CABYR: variants seen among roughly 807,000 people sequenced by gnomAD.
The protein encoded by CABYR is calcium binding tyrosine phosphorylation regulated.
Under a neutral mutation model 36.1 loss-of-function variants are expected in CABYR, and 31 were observed. That is an observed-to-expected ratio of 0.86 (90% confidence interval 0.64 to 1.16). The LOEUF (loss-of-function observed/expected upper bound fraction) is 1.16. Ranked by LOEUF, CABYR falls within the 50% of genes most tolerant of loss-of-function variation. CABYR has a pLI of 0.00. For synonymous variants in CABYR, 146 were observed against 160.7 expected (o/e 0.91, Z 0.69); for missense variants, 429 against 455.8 (o/e 0.94, Z 0.53).
chr18:24,145,317 C>T (rs1222114962), intron 3 of CABYR, among the ~76,000 whole-genome samples: 1 of 152,176 alleles, frequency 6.6e-6, no homozygotes, highest in Non-Finnish European at 1.5e-5. Flanking sequence ...CATAAACAGA[C>T]ATAAAAGCTG....
rs764115301 is a variant in CABYR at position 24,156,575 on chromosome 18, A to G, written c.541+533A>G. The G allele has an allele frequency of 8.1e-6, 13 of 1,614,080 alleles. No individual in the cohort carries two copies. In the African/African-American group the frequency reaches 9.3e-5, roughly 12 times the overall value. Reference sequence around the variant, plus strand: ...AGACCACCTCTGGCATGTCTAAAAAATCTGTAGAGTCTGTAAAACTTGCAC... The same window carrying G: ...AGACCACCTCTGGCATGTCTAAAAAGTCTGTAGAGTCTGTAAAACTTGCAC... On this transcript the variant is annotated intron_variant, in intron 4 of 5. Transcript: ENST00000399496.
At position 24,155,852 on chromosome 18, in the gene CABYR, C is replaced by T. The variant is rs115656137; in HGVS notation, c.351C>T (p.Asp117=). 2.1e-4 allele frequency: 332 copies of T among 1,614,176 alleles called. 1 individual carries two copies. In the African/African-American group the frequency reaches 4.1e-3, roughly 20 times the overall value. The change falls in exon 4 of 6, where the codon GAC becomes GAT. Residue 117 remains aspartate, a synonymous_variant. Coordinates refer to ENST00000399496, the MANE Select transcript of CABYR (RefSeq NM_153769.3). The part of the protein sequence containing the change: ...EDNVTRTEYS[D]KTTQFPSVYA... ...ATGTAACCAGAACAGAATATAGTGA[C>T]AAAACCACCCAGTTTCCATCAGTTT...
intron 5 of CABYR, among the ~76,000 whole-genome samples, chr18:24,161,166 ATAAT>A (rs3837915): frequency 3.9e-5 from 6 of 152,114 alleles, no homozygotes; most frequent in Admixed American, 3.3e-4. Context: ...GTTACTTAAA[ATAAT>A]TAGTGGGAAT....
intron 3 of CABYR, chr18:24,150,518 G>A (rs1384139466): frequency 3.6e-6 from 3 of 823,632 alleles, no homozygotes; most frequent in Admixed American, 6.2e-5. Context: ...TCTTTAGGAA[G>A]TCTTATTCCT....
rs765204376 is a variant in CABYR at position 24,159,970 on chromosome 18, G to T, written c.1040G>T (p.Gly347Val). The change falls in exon 5 of 6, where the codon GGA (glycine) becomes GTA (valine). Residue 347 changes from glycine to valine, a missense_variant. Gly to Val is a moderately radical substitution (Grantham distance 109, BLOSUM62 -3). Coordinates refer to ENST00000399496, the MANE Select transcript of CABYR (RefSeq NM_153769.3). The stretch of plus-strand genomic sequence containing the variant: ...GAAGATGTAGCTAAAAAAAGTTCAG[G>T]ATCTGGTGACAAATGTGCTCCCTTT... ...PVEDVAKKSS[G>V]SGDKCAPFGS... 6.2e-7 allele frequency: 1 copy of T among 1,614,024 alleles called. No homozygotes were observed. Among genetic ancestry groups the T allele is most frequent in the African/African-American group, 1.3e-5 (1 of 74,912 alleles).
chr18:24,143,699 A>AT (rs2085385988), intron 3 of CABYR, among the ~76,000 whole-genome samples: 1 of 151,878 alleles, frequency 6.6e-6, no homozygotes, highest in African/African-American at 2.4e-5. Flanking sequence ...TGTCCAACTA[A>AT]TTTTTTATAA....
In CABYR at chr18:24,159,883, C is replaced by T. The variant is rs150685297; in HGVS notation, c.953C>T (p.Pro318Leu). Residue 318 changes from proline to leucine, a missense_variant, in exon 5 of 6, where the codon CCA becomes CTA. Physicochemically the swap from Pro to Leu is moderately conservative, Grantham distance 98. Coordinates refer to ENST00000399496, the MANE Select transcript of CABYR (RefSeq NM_153769.3). The stretch of plus-strand genomic sequence containing the variant: ...CTAAGTCCCCAGAATGCTAATCCTC[C>T]AAGTGGACAAGATGTCCCCAGGCCA... The part of the protein sequence containing the change: ...HTLSPQNANP[P>L]SGQDVPRPKS... The T allele has an allele frequency of 1.2e-6, 2 of 1,614,154 alleles. No individual in the cohort carries two copies. The highest frequency in any genetic ancestry group is 1.7e-6 in the Non-Finnish European group (2 of 1,180,034).
At chr18:24,161,368 T>C in intron 5 of CABYR, 148 bp from the exon 6 acceptor site, 1 of 559,106 alleles carries the variant, frequency 1.8e-6, no homozygotes, top group Admixed American at 3.3e-5. Context: ...ATTGCTGGGA[T>C]ATTTCAGTGC....
rs775527644 is a variant in CABYR at position 24,159,702 on chromosome 18, C to G, written c.772C>G (p.Pro258Ala). The change falls in exon 5 of 6, where the codon CCA becomes GCA. Residue 258 changes from proline (P) to alanine (A), a missense_variant. Transcript: ENST00000399496. ...VMGDTKKTSA[P>A]PFILVGSNVQ... ...GGGCGACACCAAGAAGACCAGTGCC[C>G]CACCTTTTATCTTAGTAGGCTCAAA... 1 of 1,614,016 alleles carries G rather than the reference C, an allele frequency of 6.2e-7. No homozygotes were observed. Among genetic ancestry groups the G allele is most frequent in the East Asian group, 2.2e-5 (1 of 44,884 alleles).
intron 5 of CABYR, 61 bp downstream of exon 5, chr18:24,160,130 G>C: frequency 1.7e-6 from 2 of 1,154,264 alleles, no homozygotes; most frequent in Non-Finnish European, 2.5e-6. Context: ...TAAGCATTTT[G>C]ATTTCTTGAC....
rs748917143 is a variant in CABYR at position 24,159,458 on chromosome 18, A to T, written c.542-14A>T. On this transcript the variant is annotated splice_polypyrimidine_tract_variant and intron_variant, in intron 4 of 5. Transcript: ENST00000399496. Reference sequence around the variant, plus strand: ...AGACCAAAACTTTAATTCCTGCAAAATTTTTTTTTATAGCAATGGCAACAA... The same window carrying T: ...AGACCAAAACTTTAATTCCTGCAAATTTTTTTTTTATAGCAATGGCAACAA... 37 of 1,587,468 alleles carry T rather than the reference A, an allele frequency of 2.3e-5. No individual in the cohort carries two copies. The Middle Eastern group carries it at 6.9e-4, about 29-fold the overall frequency.
At chr18:24,141,180 A>C (rs189171243) in intron 1 of CABYR, among the ~76,000 whole-genome samples, 1 of 152,342 alleles carries the variant, frequency 6.6e-6, no homozygotes, top group Non-Finnish European at 1.5e-5. Flanking sequence ...TTATATACTG[A>C]AAGGATTTGC....
At chr18:24,139,817 G>C (rs1328552685) in intron 1 of CABYR, 2 of 152,240 alleles carry the variant, frequency 1.3e-5, no homozygotes, top group Non-Finnish European at 2.9e-5. Context: ...TAGTGGGACG[G>C]GGGATCATGG....
At chr18:24,153,377 A>C (rs931191401) in intron 3 of CABYR, among the ~76,000 whole-genome samples, 1 of 152,102 alleles carries the variant, frequency 6.6e-6, no homozygotes, top group Non-Finnish European at 1.5e-5. Context: ...TCTGGCCTTC[A>C]GCCCTGCCTC....
chr18:24,154,001 G>C (rs2145876060), intron 3 of CABYR, among the ~76,000 whole-genome samples: 1 of 149,072 alleles, frequency 6.7e-6, no homozygotes, highest in East Asian at 2.0e-4. Flanking sequence ...TACTCAGGAG[G>C]CTGAGGCAGG....
At chr18:24,139,213 C>T (rs2145844500) in intron 1 of CABYR, 95 bp downstream of exon 1, 1 of 122,562 alleles carries the variant, frequency 8.2e-6, no homozygotes, top group South Asian at 3.0e-4. Context: ...TCGGGGCAGG[C>T]GGAGGGTCCT....
chr18:24,152,118 T>C (rs1329506184), intron 3 of CABYR, among the ~76,000 whole-genome samples: 7 of 152,214 alleles, frequency 4.6e-5, no homozygotes, highest in African/African-American at 1.7e-4. Context: ...TACCACCCAG[T>C]TTAGGAAATA....
In CABYR at chr18:24,159,833, A is replaced by AG. The variant is rs2085901728; in HGVS notation, c.904dup (p.Asp302GlyfsTer2). 2 of 1,614,068 alleles carry AG rather than the reference A, an allele frequency of 1.2e-6. No individual in the cohort carries two copies. The highest frequency in any genetic ancestry group is 3.3e-5 in the Admixed American group (2 of 60,004). The stretch of plus-strand genomic sequence containing the variant: ...TGCAAGTGCCCATTGCTGTTCCTGC[A>AG]GATGAGAAATACCAGAAACATACCC... On this transcript the variant is annotated frameshift_variant, in exon 5 of 6. Transcript: ENST00000399496. LOFTEE classifies it high-confidence loss of function.
chr18:24,156,890 A>T, intron 4 of CABYR: 1 of 1,614,126 alleles, frequency 6.2e-7, no homozygotes, highest in Non-Finnish European at 8.5e-7. Flanking sequence ...ACTCAGGTAC[A>T]TCTGTAAAGT....
Sources: allele counts gnomAD v4.1 joint callset (sites outside exome capture counted in the v4.1 genomes callset), GRCh38; gene constraint gnomAD v4.1.1; transcripts MANE v1.5; gene names NCBI Gene and HGNC (gene_info 2026-07-23, HGNC 2026-07-21).